ERFL: variants seen among roughly 807,000 people sequenced by gnomAD.
The protein encoded by ERFL is ETS repressor factor like.
A neutral mutation model predicts 27.9 loss-of-function variants in ERFL; 8 were observed. The ratio of observed to expected loss-of-function variants is 0.29; its 90% CI spans 0.17 to 0.52. ERFL has a LOEUF of 0.52. ERFL is among the 20% of genes least tolerant of loss of function. The pLI, the probability that ERFL is intolerant of heterozygous loss-of-function variation, is 0.97. For missense variants in ERFL, 294 were observed against 444.4 expected (o/e 0.66, Z 3.04); for synonymous variants, 174 against 202.8 (o/e 0.86, Z 1.21).
chr19:41,923,028 G>A (rs1555852741), intron 1 of ERFL: 3 of 405,386 alleles, frequency 7.4e-6, no homozygotes, highest in African/African-American at 6.2e-5. Context: ...GCGGGAGGGG[G>A]CTGGGGGAAC....
At chr19:41,918,688 C>T (rs1879322992) in intron 1 of ERFL, among the ~76,000 whole-genome samples, 1 of 149,242 alleles carries the variant, frequency 6.7e-6, no homozygotes, top group African/African-American at 2.5e-5. Context: ...ACCACACACA[C>T]CACATATCCG....
intron 1 of ERFL, among the ~76,000 whole-genome samples, chr19:41,923,448 T>C (rs1336581652): frequency 2.0e-5 from 3 of 149,536 alleles, no homozygotes; most frequent in Non-Finnish European, 4.4e-5. Context: ...AAAGAGAGAC[T>C]GGGAGACAGA....
chr19:41,923,492 G>T (rs946992712), intron 1 of ERFL, among the ~76,000 whole-genome samples: 6 of 150,360 alleles, frequency 4.0e-5, no homozygotes, highest in South Asian at 2.1e-4. Context: ...TGAGACAGAG[G>T]AGTCGAGAGG....
chr19:41,910,024 A>G lies in ERFL; in HGVS notation c.141T>C (p.Phe47=). The G allele has an allele frequency of 1.2e-6, 2 of 1,613,662 alleles. No individual in the cohort carries two copies. The highest frequency in any genetic ancestry group is 2.2e-5 in the East Asian group (1 of 44,880). The change falls in exon 3 of 6, where the codon TTT becomes TTC. Residue 47 remains phenylalanine, a synonymous_variant. Coordinates refer to ENST00000597630, the MANE Select transcript of ERFL (RefSeq NM_001365103.2). The surrounding 1 kb of genome is among the most constrained non-coding windows in gnomAD (Gnocchi z 4.4). The part of the protein sequence containing the change: ...PGSRQIQLWH[F]ILELLQKEEY... ...CCTCCTTCTGCAGCAGCTCCAGGAT[A>G]AAGTGCCACAGCTGGATCTGCCTCG...
chr19:41,914,014 GC>G (rs1410577082), intron 1 of ERFL, among the ~76,000 whole-genome samples: 1 of 138,408 alleles, frequency 7.2e-6, no homozygotes, highest in Non-Finnish European at 1.6e-5. Context: ...GCTCCCATGC[GC>G]CCCCCAGCCA....
intron 1 of ERFL, among the ~76,000 whole-genome samples, chr19:41,918,452 T>C (rs2074816196): frequency 7.7e-6 from 1 of 129,170 alleles, no homozygotes. Context: ...ACACCACACA[T>C]GCACCACCTA....
rs1337064348 is a variant in ERFL at position 41,916,015 on chromosome 19, AC to A, written c.-13-3084del. Among the ~76,000 whole-genome samples the A allele has an allele frequency of 1.5e-5, 2 of 136,410 alleles. No individual in the cohort carries two copies. The highest frequency in any genetic ancestry group is 5.6e-5 in the African/African-American group (2 of 35,884). The allele number at this position is 136,410 out of a possible 152,430, so 89.5% of individuals were successfully genotyped here. A position where few individuals can be genotyped will look rare whatever the true frequency, so the allele number is the denominator to read the frequency against. ...TTTTTAATTTTATTTTGCTTCCTCCACCCCCCCTTCGCCCCCCATCTCTACC... is the reference window on the plus strand; with the variant it reads ...TTTTTAATTTTATTTTGCTTCCTCCACCCCCCTTCGCCCCCCATCTCTACC... On this transcript the variant is annotated intron_variant, in intron 1 of 5. Transcript: ENST00000597630. The surrounding 1 kb of genome is among the most constrained non-coding windows in gnomAD (Gnocchi z 5.4).
At chr19:41,926,680 TGCGGAGCGCGTCTGGGCC>T (rs1200037989) in intron 1 of ERFL, among the ~76,000 whole-genome samples, 3 of 149,840 alleles carry the variant, frequency 2.0e-5, no homozygotes, top group African/African-American at 7.3e-5. Context: ...TGCTTGGCGA[TGCGGAGCGCGTCTGGGCC>T]GCGGCGGCCG....
At chr19:41,925,589 A>C (rs2074866723) in intron 1 of ERFL, among the ~76,000 whole-genome samples, 1 of 152,074 alleles carries the variant, frequency 6.6e-6, no homozygotes, top group South Asian at 2.1e-4. Flanking sequence ...TGGCAGGGAA[A>C]GCCATGAGGA....
At position 41,920,237 on chromosome 19, in the gene ERFL, G is replaced by A. The variant is rs143290450; in HGVS notation, c.-13-7305C>T. Among the ~76,000 whole-genome samples, 796 of 107,852 alleles carry A rather than the reference G, an allele frequency of 7.4e-3. 9 individuals carry two copies. Among genetic ancestry groups the A allele is most frequent in the African/African-American group, 0.022 (612 of 27,616 alleles). The allele number at this position is 107,852 out of a possible 152,430, so 70.8% of individuals were successfully genotyped here. ...CCCAGACGTGACACTCAGACGTGAC[G>A]TGCTCAGACGTGAGGCACAGACATG... On this transcript the variant is annotated intron_variant, in intron 1 of 5. Transcript: ENST00000597630.
At chr19:41,926,350 C>T (rs531270586) in intron 1 of ERFL, among the ~76,000 whole-genome samples, 22 of 152,096 alleles carry the variant, frequency 1.4e-4, no homozygotes, top group African/African-American at 4.3e-4. Context: ...ACAGGTGTTG[C>T]GTGCAGGCAG....
chr19:41,918,262 C>T (rs1267224512), intron 1 of ERFL, among the ~76,000 whole-genome samples: 1 of 151,562 alleles, frequency 6.6e-6, no homozygotes, highest in Admixed American at 6.6e-5. Flanking sequence ...TACATACACA[C>T]CCCCACCACA....
At position 41,909,972 on chromosome 19, in the gene ERFL, C is replaced by T; in HGVS notation, c.193G>A (p.Gly65Arg). 1.2e-6 allele frequency: 2 copies of T among 1,613,912 alleles called. No homozygotes were observed. The highest frequency in any genetic ancestry group is 1.7e-6 in the Non-Finnish European group (2 of 1,179,968). Residue 65 changes from glycine to arginine, a missense_variant, in exon 3 of 6, where the codon GGG (glycine) becomes AGG (arginine). Gly to Arg is a moderately radical substitution (Grantham distance 125, BLOSUM62 -2). Transcript: ENST00000597630. This position sits in a 1 kb window ranked among gnomAD's most constrained non-coding sequence, Gnocchi z 5.2. Reference protein sequence around the residue: ...EEYQGVIAWQGDYGEFVIKDP... With the variant: ...EEYQGVIAWQRDYGEFVIKDP... Reference sequence around the variant, plus strand: ...TTGATGACGAATTCCCCGTAGTCCCCCTGCCAGGCTATGACGCCCTGGTAC... The same window carrying T: ...TTGATGACGAATTCCCCGTAGTCCCTCTGCCAGGCTATGACGCCCTGGTAC...
intron 2 of ERFL, among the ~76,000 whole-genome samples, chr19:41,912,247 G>A (rs1230927084): frequency 6.6e-6 from 1 of 152,212 alleles, no homozygotes; most frequent in African/African-American, 2.4e-5. Context: ...AAACACTGAA[G>A]TGTGACACAG....
chr19:41,920,184 A>G (rs1599678683), intron 1 of ERFL, among the ~76,000 whole-genome samples: 1 of 128,294 alleles, frequency 7.8e-6, no homozygotes, highest in East Asian at 2.3e-4. Context: ...TGACACGCTC[A>G]CAGACATGCG....
At chr19:41,924,522 T>G (rs2074860312) in intron 1 of ERFL, among the ~76,000 whole-genome samples, 1 of 151,940 alleles carries the variant, frequency 6.6e-6, no homozygotes, top group East Asian at 1.9e-4. Context: ...CACCCTCACC[T>G]TTATCCTCAT....
Position 41,910,691 on chromosome 19 carries a change from T to C in ERFL, c.68-594A>G, listed in dbSNP as rs1555851165. On this transcript the variant is annotated intron_variant, in intron 2 of 5. Coordinates refer to ENST00000597630, the MANE Select transcript of ERFL (RefSeq NM_001365103.2). The surrounding 1 kb of genome is among the most constrained non-coding windows in gnomAD (Gnocchi z 4.4). ...CCCCTCCACCCCATATCCATGCCCATGTCCGTCCAAGAGCAGTCCAGAACG... is the reference window on the plus strand; with the variant it reads ...CCCCTCCACCCCATATCCATGCCCACGTCCGTCCAAGAGCAGTCCAGAACG... Among the ~76,000 whole-genome samples, 1 of 152,188 alleles carries C rather than the reference T, an allele frequency of 6.6e-6. No individual in the cohort carries two copies. Among genetic ancestry groups the C allele is most frequent in the Non-Finnish European group, 1.5e-5 (1 of 68,038 alleles).
intron 1 of ERFL, among the ~76,000 whole-genome samples, chr19:41,926,701 G>A (rs964481296): frequency 3.3e-5 from 5 of 150,692 alleles, no homozygotes; most frequent in Non-Finnish European, 6.0e-5. Context: ...TCTGGGCCGC[G>A]GCGGCCGGCC....
chr19:41,918,614 ACACAC>A (rs1198036478), intron 1 of ERFL, among the ~76,000 whole-genome samples: 1 of 145,720 alleles, frequency 6.9e-6, no homozygotes, highest in Admixed American at 6.8e-5. Flanking sequence ...GACAAACCAC[ACACAC>A]CACATCACTA....
Sources: allele counts gnomAD v4.1 joint callset (sites outside exome capture counted in the v4.1 genomes callset), GRCh38; gene constraint gnomAD v4.1.1; non-coding constraint Gnocchi (gnomAD v3.1); transcripts MANE v1.5; gene names NCBI Gene and HGNC (gene_info 2026-07-23, HGNC 2026-07-21).